DPP9: variants seen among roughly 807,000 people sequenced by gnomAD.
DPP9 encodes the protein dipeptidyl peptidase 9.
Under a neutral mutation model 110.7 loss-of-function variants are expected in DPP9, and 50 were observed. That is an observed-to-expected ratio of 0.45 (90% CI 0.36 to 0.57). The LOEUF (loss-of-function observed/expected upper bound fraction) is 0.57. DPP9 is among the 20% of genes least tolerant of loss of function. The probability of loss-of-function intolerance (pLI) is 0.00; values close to 1 mark genes in which losing one functional copy is unlikely to be tolerated. For synonymous variants in DPP9, 561 were observed against 514.4 expected (o/e 1.09, Z -1.23); for missense variants, 1,022 against 1,217.9 (o/e 0.84, Z 2.39).
Position 4,685,553 on chromosome 19 carries a change from G to A in DPP9, c.2031+73C>T. ...TCCTCTGGTTGACTGTTCTACAGCT[G>A]GCACTTGAGTGGGGATGGGGAGTCC... On this transcript the variant is annotated intron_variant, in intron 17 of 21. Transcript: ENST00000262960. The surrounding 1 kb of genome is among the most constrained non-coding windows in gnomAD (Gnocchi z 5.8). 1 of 1,458,642 alleles carries A rather than the reference G, an allele frequency of 6.9e-7. No homozygotes were observed. The highest frequency in any genetic ancestry group is 9.4e-7 in the Non-Finnish European group (1 of 1,068,680). 90.4% of individuals were successfully genotyped at this position (1,458,642 alleles called of 1,614,324 possible). A position where few individuals can be genotyped will look rare whatever the true frequency, so the allele number is the denominator to read the frequency against.
In DPP9 at chr19:4,700,021, C is replaced by G. The variant is rs575960885; in HGVS notation, c.1074+195G>C. On this transcript the variant is annotated intron_variant, in intron 10 of 21. Coordinates refer to ENST00000262960, the MANE Select transcript of DPP9 (RefSeq NM_139159.5). The surrounding 1 kb of genome is among the most constrained non-coding windows in gnomAD (Gnocchi z 4.3). ...ACTCTGTGAGGCAGGGAGGCCAGCT[C>G]GCCACGCCGCATTCTAGGCACAGGT... is the stretch of plus-strand genomic sequence containing the variant. 4.3e-4 allele frequency among the ~76,000 whole-genome samples: 66 copies of G among 152,284 alleles called. No homozygotes were observed. Among genetic ancestry groups the G allele is most frequent in the African/African-American group, 1.5e-3 (64 of 41,564 alleles).
Position 4,689,011 on chromosome 19 carries a change from T to A in DPP9, c.1750-119A>T. ...CCGCCCCCATCCCTCTGCCCCTGCC[T>A]GTCATGAAACCTCAAAGCTCCACCC... On this transcript the variant is annotated intron_variant, in intron 15 of 21. Transcript: ENST00000262960. This position sits in a 1 kb window ranked among gnomAD's most constrained non-coding sequence, Gnocchi z 7.0. The A allele has an allele frequency of 8.8e-7, 1 of 1,133,408 alleles. No homozygotes were observed. Among genetic ancestry groups the A allele is most frequent in the East Asian group, 3.6e-5 (1 of 27,986 alleles). 70.2% of individuals were successfully genotyped at this position (1,133,408 alleles called of 1,614,324 possible).
chr19:4,685,525 G>A lies in DPP9; in HGVS notation c.2031+101C>T, dbSNP rs763957453. Reference sequence around the variant, plus strand: ...GGGGCACCAGGCAGGTAGCCGGGGAGCCTCCTCTGGTTGACTGTTCTACAG... The same window carrying A: ...GGGGCACCAGGCAGGTAGCCGGGGAACCTCCTCTGGTTGACTGTTCTACAG... On this transcript the variant is annotated intron_variant, in intron 17 of 21. Coordinates refer to ENST00000262960, the MANE Select transcript of DPP9 (RefSeq NM_139159.5). The surrounding 1 kb of genome is among the most constrained non-coding windows in gnomAD (Gnocchi z 5.8). 56 of 1,307,780 alleles carry A rather than the reference G, an allele frequency of 4.3e-5. No homozygotes were observed. The South Asian group carries it at 7.3e-4, about 17-fold the overall frequency. The allele number at this position is 1,307,780 out of a possible 1,614,324, so 81.0% of individuals were successfully genotyped here.
chr19:4,681,027 A>G (rs2145321270), intron 20 of DPP9, among the ~76,000 whole-genome samples: 1 of 152,202 alleles, frequency 6.6e-6, no homozygotes, highest in East Asian at 1.9e-4. Flanking sequence ...GCTACTGGTG[A>G]GGCCAACACG....
chr19:4,680,656 T>TAA (rs531015203), intron 20 of DPP9, among the ~76,000 whole-genome samples: 5,244 of 127,314 alleles, frequency 0.041, 142 homozygotes, highest in East Asian at 0.08. Context: ...GAGCTATGAT[T>TAA]AAAAAAAAAA....
In DPP9 at chr19:4,685,118, C is replaced by T. The variant is rs780308253; in HGVS notation, c.2032-309G>A. On this transcript the variant is annotated intron_variant, in intron 17 of 21. Transcript: ENST00000262960. The surrounding 1 kb of genome is among the most constrained non-coding windows in gnomAD (Gnocchi z 5.8). ...TGGGGTGGCTCCTTCTCGGGTGGGG[C>T]CATCTGGGCACTGCGGGGTGCTGAG... 1.5e-5 allele frequency: 9 copies of T among 585,814 alleles called. No homozygotes were observed. The highest frequency in any genetic ancestry group is 1.4e-4 in the South Asian group (9 of 65,740). The allele number at this position is 585,814 out of a possible 1,614,324, so 36.3% of individuals were successfully genotyped here.
intron 4 of DPP9, among the ~76,000 whole-genome samples, chr19:4,707,153 G>A (rs574367189): frequency 2.0e-5 from 3 of 152,180 alleles, no homozygotes; most frequent in Non-Finnish European, 2.9e-5. Flanking sequence ...TAAAGCTCTC[G>A]GCACAATGTG....
intron 18 of DPP9, 72 bp from the exon 19 acceptor site, chr19:4,683,701 C>T (rs775476304): frequency 1.2e-6 from 2 of 1,612,526 alleles, no homozygotes; most frequent in Non-Finnish European, 1.7e-6. Context: ...GACACCTCTG[C>T]TCCTTTCAGG....
At chr19:4,688,085 C>T (rs577412288) in intron 16 of DPP9, among the ~76,000 whole-genome samples, 8 of 152,218 alleles carry the variant, frequency 5.3e-5, no homozygotes, top group African/African-American at 1.2e-4. Context: ...CATGAGCCAC[C>T]GCGCCTGGCC....
intron 4 of DPP9, among the ~76,000 whole-genome samples, chr19:4,707,223 T>C (rs2092628544): frequency 6.6e-6 from 1 of 152,184 alleles, no homozygotes; most frequent in African/African-American, 2.4e-5. Context: ...CACCTACGCA[T>C]GTCTCTGGGC....
chr19:4,689,821 TG>T lies in DPP9; in HGVS notation c.1597-100del. On this transcript the variant is annotated intron_variant, in intron 14 of 21. Transcript: ENST00000262960. The surrounding 1 kb of genome is among the most constrained non-coding windows in gnomAD (Gnocchi z 7.0). ...GGAGTGGGCCCCATGTTCCTCGGAC[TG>T]GGGACGCATGCTGTCCTCGCCCAAG... 1 of 1,289,952 alleles carries T rather than the reference TG, an allele frequency of 7.8e-7. No individual in the cohort carries two copies. The allele number at this position is 1,289,952 out of a possible 1,614,324, so 79.9% of individuals were successfully genotyped here. A position where few individuals can be genotyped will look rare whatever the true frequency, so the allele number is the denominator to read the frequency against.
At position 4,680,967 on chromosome 19, in the gene DPP9, C is replaced by T. The variant is rs986624775; in HGVS notation, c.2475-1021G>A. Reference sequence around the variant, plus strand: ...GTGAGACTCTCTCAACAAAACAAAACAAAAACCCACCTAGGTCTGCTGCTG... The same window carrying T: ...GTGAGACTCTCTCAACAAAACAAAATAAAAACCCACCTAGGTCTGCTGCTG... On this transcript the variant is annotated intron_variant, in intron 20 of 21. Transcript: ENST00000262960. Among the ~76,000 whole-genome samples the T allele has an allele frequency of 8.6e-5, 13 of 152,010 alleles. 1 individual carries two copies. Among genetic ancestry groups the T allele is most frequent in the Admixed American group, 6.6e-5 (1 of 15,258 alleles).
rs1274296452 is a variant in DPP9, at chr19:4,695,113, T to C, written c.1353+265A>G. ...CTGCAGTGAGCTATGACCACACCAC[T>C]GCACTCTAGTCTGGGCAACAGAGCA... On this transcript the variant is annotated intron_variant, in intron 12 of 21. Coordinates refer to ENST00000262960, the MANE Select transcript of DPP9 (RefSeq NM_139159.5). The surrounding 1 kb of genome is among the most constrained non-coding windows in gnomAD (Gnocchi z 4.7). The C allele has an allele frequency of 1.7e-6, 1 of 582,610 alleles. No individual in the cohort carries two copies. Among genetic ancestry groups the C allele is most frequent in the Non-Finnish European group, 3.0e-6 (1 of 330,680 alleles). 36.1% of individuals were successfully genotyped at this position (582,610 alleles called of 1,614,324 possible). A position where few individuals can be genotyped will look rare whatever the true frequency, so the allele number is the denominator to read the frequency against.
At position 4,689,317 on chromosome 19, in the gene DPP9, C is replaced by T. The variant is rs1022584349; in HGVS notation, c.1749+253G>A. On this transcript the variant is annotated intron_variant, in intron 15 of 21. Coordinates refer to ENST00000262960, the MANE Select transcript of DPP9 (RefSeq NM_139159.5). This position sits in a 1 kb window ranked among gnomAD's most constrained non-coding sequence, Gnocchi z 7.0. ...GGGCCACATCCCACCGCACACAGAG[C>T]GGCGGAGCCCCAGCTCAGCGGACGG... 4.6e-5 allele frequency among the ~76,000 whole-genome samples: 7 copies of T among 152,352 alleles called. No homozygotes were observed. Among genetic ancestry groups the T allele is most frequent in the South Asian group, 4.1e-4 (2 of 4,828 alleles).
Position 4,693,192 on chromosome 19 carries a change from CG to C in DPP9, c.1516+1468del, listed in dbSNP as rs1190185436. 2.6e-5 allele frequency among the ~76,000 whole-genome samples: 4 copies of C among 152,120 alleles called. No individual in the cohort carries two copies. Among genetic ancestry groups the C allele is most frequent in the Non-Finnish European group, 5.9e-5 (4 of 67,992 alleles). On this transcript the variant is annotated intron_variant, in intron 13 of 21. Transcript: ENST00000262960. The surrounding 1 kb of genome is among the most constrained non-coding windows in gnomAD (Gnocchi z 5.0). ...TGCCACTTGGTGCACAGGATGGCCC[CG>C]CCCCAGAGAACCACCCGGCCCTGGC...
At chr19:4,712,821 C>T (rs528625279) in intron 4 of DPP9, among the ~76,000 whole-genome samples, 14 of 152,312 alleles carry the variant, frequency 9.2e-5, no homozygotes, top group Admixed American at 2.6e-4. Context: ...GCGCTGATGG[C>T]GGAAGAAGAC....
chr19:4,699,917 C>T (rs980736181), intron 10 of DPP9, among the ~76,000 whole-genome samples: 11 of 152,218 alleles, frequency 7.2e-5, no homozygotes, highest in South Asian at 2.1e-4. Flanking sequence ...GGCCTGGGAG[C>T]ACCTGCCGCG....
In DPP9 at chr19:4,700,240, C is replaced by T; in HGVS notation, c.1050G>A (p.Glu350=). The T allele has an allele frequency of 6.3e-7, 1 of 1,599,668 alleles. No homozygotes were observed. The highest frequency in any genetic ancestry group is 8.5e-7 in the Non-Finnish European group (1 of 1,170,698). ...CCTTGCCCTGGCTGTCAGTCTGGAA[C>T]TCAGCCAGTTTCAAGGCAATCTTGG... The part of the protein sequence containing the change: ...KNPKIALKLA[E]FQTDSQGKIV... The change falls in exon 10 of 22, where the codon GAG becomes GAA. Residue 350 remains glutamate, a synonymous_variant. Transcript: ENST00000262960. The surrounding 1 kb of genome is among the most constrained non-coding windows in gnomAD (Gnocchi z 4.3).
intron 3 of DPP9, 196 bp downstream of exon 3, chr19:4,719,655 C>G (rs1177920973): frequency 9.2e-6 from 6 of 650,144 alleles, no homozygotes; most frequent in South Asian, 5.6e-5. Context: ...CCAGCCCCAG[C>G]GTCCACAGTG....
Sources: allele counts gnomAD v4.1 joint callset (sites outside exome capture counted in the v4.1 genomes callset), GRCh38; gene constraint gnomAD v4.1.1; non-coding constraint Gnocchi (gnomAD v3.1); transcripts MANE v1.5; gene names NCBI Gene and HGNC (gene_info 2026-07-23, HGNC 2026-07-21).